Variants in NKAIN3 observed in about 807,000 individuals in gnomAD.
The protein encoded by NKAIN3 is sodium/potassium transporting ATPase interacting 3, also known as sodium/potassium-transporting ATPase subunit beta-1-interacting protein 3.
In NKAIN3, 25 loss-of-function variants were observed where a neutral mutation model predicts 30.2. That is an observed-to-expected ratio of 0.83 (90% CI 0.60 to 1.16). The LOEUF is 1.16. Ranked by LOEUF, NKAIN3 falls within the 50% of genes most tolerant of loss-of-function variation. The pLI, the probability that NKAIN3 is intolerant of heterozygous loss-of-function variation, is 0.00. For missense variants in NKAIN3, 225 were observed against 254.1 expected, an observed-to-expected ratio of 0.89 and a Z score of 0.78; for synonymous variants, 91 against 89.6, an observed-to-expected ratio of 1.02 and a Z score of -0.09.
At chr8:62,270,331 C>A (rs1812741868) in intron 1 of NKAIN3, among the ~76,000 whole-genome samples, 1 of 152,130 alleles carries the variant, frequency 6.6e-6, no homozygotes, top group Non-Finnish European at 1.5e-5. Context: ...GTCATCCTTC[C>A]TTGGCCTCTC....
At chr8:62,862,685 T>C (rs1398231604) in intron 4 of NKAIN3, among the ~76,000 whole-genome samples, 1 of 152,134 alleles carries the variant, frequency 6.6e-6, no homozygotes, top group Non-Finnish European at 1.5e-5. Context: ...GAAAATAACA[T>C]TGAATGATTT....
intron 4 of NKAIN3, among the ~76,000 whole-genome samples, chr8:62,881,812 A>G (rs1820992616): frequency 6.6e-6 from 1 of 152,208 alleles, no homozygotes; most frequent in African/African-American, 2.4e-5. Context: ...AAACTGCCAA[A>G]CTGTCTTCCA....
In NKAIN3 at chr8:62,282,046, G is replaced by A. The variant is rs145758328; in HGVS notation, c.54+32919G>A. Among the ~76,000 whole-genome samples the A allele has an allele frequency of 3.5e-4, 52 of 149,778 alleles. No individual in the cohort carries two copies. In the South Asian group the frequency reaches 0.01, roughly 29 times the overall value. ...TTTATTTTCCTCCTGGATCTCTCTC[G>A]AGACATCTGTAACCAACAGAAATTA... On this transcript the variant is annotated intron_variant, in intron 1 of 6. Transcript: ENST00000623646.
At chr8:62,345,532 C>CACATATAT (rs1815955965) in intron 1 of NKAIN3, among the ~76,000 whole-genome samples, 1 of 102,164 alleles carries the variant, frequency 9.8e-6, no homozygotes, top group African/African-American at 5.0e-5. Flanking sequence ...TGTATATATA[C>CACATATAT]ACACATATAT....
chr8:62,980,535 G>A lies in NKAIN3; in HGVS notation c.*15128G>A, dbSNP rs529392362. 4.5e-4 allele frequency: 68 copies of A among 152,228 alleles called. No homozygotes were observed. Among genetic ancestry groups the A allele is most frequent in the African/African-American group, 1.4e-3 (57 of 41,534 alleles). 9.4% of individuals were successfully genotyped at this position (152,228 alleles called of 1,614,324 possible). A position where few individuals can be genotyped will look rare whatever the true frequency, so the allele number is the denominator to read the frequency against. The stretch of plus-strand genomic sequence containing the variant: ...TTCTGGTTCCTTCATCAAAACTTGC[G>A]TTGTGTTGTGCAGCCTTTTCTTTGC... On this transcript the variant is annotated 3_prime_UTR_variant, in exon 7 of 7. Coordinates refer to ENST00000623646, the MANE Select transcript of NKAIN3 (RefSeq NM_001304533.3).
At chr8:62,633,173 T>C (rs1374325494) in intron 3 of NKAIN3, among the ~76,000 whole-genome samples, 1 of 152,186 alleles carries the variant, frequency 6.6e-6, no homozygotes, top group Non-Finnish European at 1.5e-5. Flanking sequence ...TCTACATCTG[T>C]AAAATGAGGA....
chr8:62,328,705 G>C (rs1182626129), intron 1 of NKAIN3, among the ~76,000 whole-genome samples: 1 of 152,016 alleles, frequency 6.6e-6, no homozygotes. Context: ...AGAGTAATTA[G>C]CCCAGAACTT....
At chr8:62,758,992 T>C (rs534346119) in intron 4 of NKAIN3, among the ~76,000 whole-genome samples, 88 of 152,178 alleles carry the variant, frequency 5.8e-4, no homozygotes, top group Non-Finnish European at 9.4e-4. Context: ...TCTCAAATGG[T>C]TCCTCAAACC....
At chr8:62,289,832 C>A (rs1037064102) in intron 1 of NKAIN3, among the ~76,000 whole-genome samples, 1 of 152,134 alleles carries the variant, frequency 6.6e-6, no homozygotes, top group East Asian at 1.9e-4. Flanking sequence ...TTACCTTGGG[C>A]AGTATGGCCA....
At chr8:62,576,122 A>G (rs1043803037) in intron 1 of NKAIN3, among the ~76,000 whole-genome samples, 2 of 152,084 alleles carry the variant, frequency 1.3e-5, no homozygotes, top group African/African-American at 4.8e-5. Context: ...ATGGGATCAC[A>G]TCGAGTTAAA....
intron 1 of NKAIN3, among the ~76,000 whole-genome samples, chr8:62,397,771 G>T (rs1424829698): frequency 6.6e-6 from 1 of 152,150 alleles, no homozygotes; most frequent in Non-Finnish European, 1.5e-5. Context: ...GAAACCTGTG[G>T]ATCAGCTGTC....
intron 1 of NKAIN3, among the ~76,000 whole-genome samples, chr8:62,447,473 C>T (rs1021102440): frequency 2.6e-5 from 4 of 151,920 alleles, no homozygotes; most frequent in East Asian, 1.9e-4. Context: ...TGGCACCAAG[C>T]GATAGGTCTA....
At chr8:62,757,174 G>A (rs1413934911) in intron 4 of NKAIN3, among the ~76,000 whole-genome samples, 2 of 152,070 alleles carry the variant, frequency 1.3e-5, no homozygotes, top group Non-Finnish European at 2.9e-5. Context: ...AATTTTATTG[G>A]TGCATTACTT....
rs1347588212 is a variant in NKAIN3, at chr8:62,739,276, A to AT, written c.274-7656_274-7655insT. ...TTAAAGTATAATTTACGAAAAAAAA[A>AT]AATATATATATACACAAATTAAAAA... On this transcript the variant is annotated intron_variant, in intron 3 of 6. Transcript: ENST00000623646. Among the ~76,000 whole-genome samples the AT allele has an allele frequency of 5.3e-3, 800 of 151,784 alleles. 5 individuals carry two copies. Among genetic ancestry groups the AT allele is most frequent in the African/African-American group, 0.018 (738 of 41,362 alleles).
chr8:62,809,552 T>C (rs1368280074), intron 4 of NKAIN3, among the ~76,000 whole-genome samples: 8 of 152,192 alleles, frequency 5.3e-5, no homozygotes, highest in Admixed American at 5.2e-4. Context: ...AAAGCATGTG[T>C]GTATGAAGAA....
At chr8:62,343,931 A>T (rs1349685437) in intron 1 of NKAIN3, among the ~76,000 whole-genome samples, 1 of 152,134 alleles carries the variant, frequency 6.6e-6, no homozygotes, top group African/African-American at 2.4e-5. Flanking sequence ...AGGTTGTTAT[A>T]TGGTCAATGT....
At chr8:62,548,732 C>T (rs558775819) in intron 1 of NKAIN3, among the ~76,000 whole-genome samples, 1 of 118,708 alleles carries the variant, frequency 8.4e-6, no homozygotes, top group Admixed American at 8.3e-5. Flanking sequence ...TTTATGTTTA[C>T]AATTATATGT....
At chr8:62,932,197 A>T (rs556468763) in intron 5 of NKAIN3, among the ~76,000 whole-genome samples, 1 of 152,206 alleles carries the variant, frequency 6.6e-6, no homozygotes, top group African/African-American at 2.4e-5. Context: ...TAAATAGCTA[A>T]TTTTTCACTT....
intron 3 of NKAIN3, among the ~76,000 whole-genome samples, chr8:62,669,355 C>G (rs1813228042): frequency 6.6e-6 from 1 of 152,170 alleles, no homozygotes; most frequent in African/African-American, 2.4e-5. Context: ...ACCTCCCGCA[C>G]TCCTAACTTT....
Sources: gnomAD v4.1 joint callset for allele counts (sites outside exome capture counted in the v4.1 genomes callset) on GRCh38, gnomAD v4.1.1 for gene constraint, MANE v1.5 for transcripts, NCBI Gene and HGNC (gene_info 2026-07-23, HGNC 2026-07-21) for gene names.